PATJ: variants seen among roughly 807,000 people sequenced by gnomAD.
PATJ encodes the protein inaD-like protein.
A neutral mutation model predicts 224.9 loss-of-function variants in PATJ; 190 were observed. The observed-to-expected ratio is 0.84, with a 90% CI of 0.75 to 0.95. The LOEUF (loss-of-function observed/expected upper bound fraction) is 0.95. PATJ is among the 40% of genes least tolerant of loss of function. PATJ has a pLI of 0.00. For missense variants in PATJ, 2,121 were observed against 2,270.3 expected, an observed-to-expected ratio of 0.93 and a Z score of 1.34; for synonymous variants, 769 against 820.3, an observed-to-expected ratio of 0.94 and a Z score of 1.07.
chr1:61,827,469 C>G lies in PATJ; in HGVS notation c.1866C>G (p.Ser622=), dbSNP rs765962971. The G allele has an allele frequency of 1.2e-6, 2 of 1,614,020 alleles. No homozygotes were observed. The highest frequency in any genetic ancestry group is 1.7e-6 in the Non-Finnish European group (2 of 1,179,986). Residue 622 remains serine, a synonymous_variant, in exon 16 of 44, where the codon TCC becomes TCG. Transcript: ENST00000642238. ...GAAAATCTCGCCGAGAAGCAGTCTC[C>G]TTTCTTAAAGAAGTGCCACCCCCTT... ...LYGKSRREAV[S]FLKEVPPPFT...
intron 31 of PATJ, among the ~76,000 whole-genome samples, chr1:62,077,193 T>A (rs1268785776): frequency 6.6e-6 from 1 of 152,210 alleles, no homozygotes; most frequent in Non-Finnish European, 1.5e-5. Context: ...TCTGTTTACA[T>A]CCCATTGACC....
intron 21 of PATJ, among the ~76,000 whole-genome samples, chr1:61,879,513 ATGT>A (rs1163400001): frequency 1.3e-5 from 2 of 152,034 alleles, no homozygotes; most frequent in Non-Finnish European, 1.5e-5. Context: ...GATGGGAGAG[ATGT>A]TGTTTGTAAT....
rs1380026647 is a variant in PATJ, at chr1:62,051,033, T to G, written c.4100T>G (p.Leu1367Trp). Reference sequence around the variant, plus strand: ...AGCGTCGAAGTTGGTATTAAACAATTGCCTGAAAGTGAAAGCTTCAAACTG... The same window carrying G: ...AGCGTCGAAGTTGGTATTAAACAATGGCCTGAAAGTGAAAGCTTCAAACTG... ...DGSVEVGIKQ[L>W]PESESFKLAV... The change falls in exon 31 of 44, where the codon TTG becomes TGG. Residue 1367 changes from leucine to tryptophan, a missense_variant. Transcript: ENST00000642238. 6.2e-7 allele frequency: 1 copy of G among 1,613,494 alleles called. No individual in the cohort carries two copies.
At chr1:62,060,335 C>CT (rs905610065) in intron 31 of PATJ, among the ~76,000 whole-genome samples, 8 of 151,890 alleles carry the variant, frequency 5.3e-5, no homozygotes, top group East Asian at 1.9e-4. Flanking sequence ...ACTGGGCTGA[C>CT]TTTTTTTATT....
intron 31 of PATJ, among the ~76,000 whole-genome samples, chr1:62,063,314 T>G (rs1192149352): frequency 6.6e-6 from 1 of 152,240 alleles, no homozygotes; most frequent in East Asian, 1.9e-4. Flanking sequence ...CAGTTGGTTG[T>G]AGGTGTGCAA....
In PATJ at chr1:61,991,559, T is replaced by G. The variant is rs1046816332; in HGVS notation, c.3867+1195T>G. 4.1e-6 allele frequency: 4 copies of G among 985,206 alleles called. No individual in the cohort carries two copies. The African/African-American group carries it at 7.0e-5, about 17-fold the overall frequency. 61.0% of individuals were successfully genotyped at this position (985,206 alleles called of 1,614,324 possible). ...ATAACTACTGCCACAGCTGGCCAGG[T>G]GCAACAGGAAGACCATCGCCATCAA... On this transcript the variant is annotated intron_variant, in intron 28 of 43. Transcript: ENST00000642238.
Position 62,062,392 on chromosome 1 carries a change from C to CTTTTTTTTT in PATJ, c.4125+11353_4125+11361dup, listed in dbSNP as rs60747316. ...TGGTTGGCTGCTTCTATGTTGTCTT[C>CTTTTTTTTT]TTTTTTTTTTTTTTTTTTTTTTTTT... On this transcript the variant is annotated intron_variant, in intron 31 of 43. Coordinates refer to ENST00000642238, the MANE Select transcript of PATJ (RefSeq NM_001350145.3). Among the ~76,000 whole-genome samples the CTTTTTTTTT allele has an allele frequency of 3.2e-3, 91 of 28,482 alleles. 6 individuals carry two copies. The highest frequency in any genetic ancestry group is 4.5e-3 in the East Asian group (4 of 882). 18.7% of individuals were successfully genotyped at this position (28,482 alleles called of 152,430 possible). A position where few individuals can be genotyped will look rare whatever the true frequency, so the allele number is the denominator to read the frequency against.
intron 27 of PATJ, among the ~76,000 whole-genome samples, chr1:61,956,939 A>G (rs139544239): frequency 4.6e-5 from 7 of 152,270 alleles, no homozygotes; most frequent in African/African-American, 1.4e-4. Flanking sequence ...CTAGCTTTCC[A>G]TTCTTCAGTC....
intron 14 of PATJ, among the ~76,000 whole-genome samples, chr1:61,817,490 C>T (rs751625908): frequency 6.6e-6 from 1 of 151,992 alleles, no homozygotes; most frequent in Non-Finnish European, 1.5e-5. Context: ...ATGATGAAAC[C>T]CCATCTCTAC....
At chr1:62,150,175 G>A (rs1478732377) in intron 42 of PATJ, among the ~76,000 whole-genome samples, 1 of 152,156 alleles carries the variant, frequency 6.6e-6, no homozygotes, top group Non-Finnish European at 1.5e-5. Context: ...GGGAAAAGTA[G>A]AGCCTTATTC....
intron 20 of PATJ, among the ~76,000 whole-genome samples, chr1:61,866,561 A>AT (rs894298990): frequency 1.3e-5 from 2 of 152,180 alleles, no homozygotes; most frequent in Non-Finnish European, 2.9e-5. Flanking sequence ...AGATACAGCA[A>AT]TTTTTGAATC....
chr1:61,905,322 C>A (rs1671714235), intron 24 of PATJ, among the ~76,000 whole-genome samples: 1 of 152,240 alleles, frequency 6.6e-6, no homozygotes, highest in Non-Finnish European at 1.5e-5. Context: ...TAATCCTATT[C>A]TTGAGGGCAG....
intron 27 of PATJ, among the ~76,000 whole-genome samples, chr1:61,978,229 C>CTCCCTCCT (rs1318251175): frequency 1.3e-5 from 2 of 148,170 alleles, no homozygotes; most frequent in African/African-American, 5.0e-5. Context: ...TCCTTCCTCC[C>CTCCCTCCT]TCCCTCCCTC....
intron 27 of PATJ, among the ~76,000 whole-genome samples, chr1:61,969,972 A>T (rs1571570172): frequency 6.6e-6 from 1 of 151,968 alleles, no homozygotes; most frequent in Non-Finnish European, 1.5e-5. Flanking sequence ...GGGATTACAG[A>T]CATGAGCCAC....
At chr1:61,773,690 AGCAGGAGAATT>A (rs111733530) in intron 6 of PATJ, among the ~76,000 whole-genome samples, 157 of 151,638 alleles carry the variant, frequency 1.0e-3, no homozygotes, top group African/African-American at 3.7e-3. Context: ...GGGAGGCTGA[AGCAGGAGAATT>A]GCTTGAACCT....
At chr1:61,880,840 T>C (rs564330970) in intron 21 of PATJ, among the ~76,000 whole-genome samples, 95 of 152,220 alleles carry the variant, frequency 6.2e-4, no homozygotes, top group Non-Finnish European at 1.2e-3. Flanking sequence ...ATGCCTGTAA[T>C]CCCAACACTT....
chr1:62,148,296 AC>A lies in PATJ; in HGVS notation c.5286del (p.Asn1763IlefsTer2). On this transcript the variant is annotated frameshift_variant, in exon 42 of 44. Transcript: ENST00000642238. LOFTEE classifies it high-confidence loss of function. Reference protein sequence around the residue: ...GRIILQVVADTNISAIAAQLE... With the variant: ...GRIILQVVADXNISAIAAQLE... ...ACTTTTTCCCCAGGTTGTAGCAGATACCAATATAAGCGCCATAGCAGCTCAG... is the reference window on the plus strand; with the variant it reads ...ACTTTTTCCCCAGGTTGTAGCAGATACAATATAAGCGCCATAGCAGCTCAG... 1 of 1,613,422 alleles carries A rather than the reference AC, an allele frequency of 6.2e-7. No individual in the cohort carries two copies. The highest frequency in any genetic ancestry group is 8.5e-7 in the Non-Finnish European group (1 of 1,179,492).
chr1:62,021,521 C>G (rs969131374), intron 29 of PATJ, among the ~76,000 whole-genome samples: 2 of 152,152 alleles, frequency 1.3e-5, no homozygotes, highest in Non-Finnish European at 2.9e-5. Flanking sequence ...CTAAGCAACT[C>G]TAGGTTACTT....
chr1:62,012,090 ATGTGT>A (rs1646485147), intron 28 of PATJ, among the ~76,000 whole-genome samples: 1 of 151,812 alleles, frequency 6.6e-6, no homozygotes, highest in Non-Finnish European at 1.5e-5. Context: ...CATTTCCCCC[ATGTGT>A]TGTAGTGACC....
Sources: allele counts gnomAD v4.1 joint callset (sites outside exome capture counted in the v4.1 genomes callset), GRCh38; gene constraint gnomAD v4.1.1; transcripts MANE v1.5; gene names NCBI Gene and HGNC (gene_info 2026-07-23, HGNC 2026-07-21).